Variants in PHF24 observed in about 807,000 individuals in gnomAD.
PHF24 encodes the protein PHD finger protein 24, also known as Galpha inhibitory interacting protein.
A neutral mutation model predicts 42.6 loss-of-function variants in PHF24; 25 were observed. The observed-to-expected ratio is 0.59, with a 90% CI of 0.43 to 0.82. The LOEUF (loss-of-function observed/expected upper bound fraction) is 0.82. Ranked by LOEUF, PHF24 falls within the 40% of genes least tolerant of loss-of-function variation. The pLI, the probability that PHF24 is intolerant of heterozygous loss-of-function variation, is 0.00. For missense variants in PHF24, 470 were observed against 538.1 expected (o/e 0.87, Z 1.25); for synonymous variants, 185 against 204.8 (o/e 0.90, Z 0.83).
the PHF24 span, among the ~76,000 whole-genome samples, chr9:34,699,354 G>A: frequency 6.6e-6 from 1 of 152,214 alleles, no homozygotes; most frequent in African/African-American, 2.4e-5. Context: ...AAATACAGTG[G>A]TTAAGGGAAG....
the PHF24 span, among the ~76,000 whole-genome samples, chr9:34,717,666 C>G: frequency 6.6e-6 from 1 of 152,148 alleles, no homozygotes; most frequent in Non-Finnish European, 1.5e-5. Flanking sequence ...AACGACAAAC[C>G]AGGATTTAAA....
the PHF24 span, among the ~76,000 whole-genome samples, chr9:34,729,912 A>G: frequency 6.6e-6 from 1 of 152,184 alleles, no homozygotes. Context: ...TGGCTTGGAA[A>G]TGGAGATCTT....
At chr9:34,826,292 A>G in the PHF24 span, among the ~76,000 whole-genome samples, 1 of 152,094 alleles carries the variant, frequency 6.6e-6, no homozygotes, top group Admixed American at 6.5e-5. Context: ...TATCTGTCAT[A>G]TTGCCACCTG....
chr9:34,741,369 C>CTT, the PHF24 span, among the ~76,000 whole-genome samples: 39 of 147,504 alleles, frequency 2.6e-4, no homozygotes, highest in African/African-American at 8.4e-4. Flanking sequence ...TTTTCTTTTT[C>CTT]TTTTTTTTTT....
At chr9:34,665,873 A>G in the PHF24 span, 1 of 591,178 alleles carries the variant, frequency 1.7e-6, no homozygotes, top group Non-Finnish European at 3.0e-6. Flanking sequence ...GAGGCCGGTC[A>G]TCTCCGGGGC....
intron 1 of PHF24, among the ~76,000 whole-genome samples, chr9:34,962,203 C>A (rs931342735): frequency 6.6e-5 from 10 of 152,254 alleles, no homozygotes; most frequent in Non-Finnish European, 8.8e-5. Flanking sequence ...CTATCTCAAA[C>A]CAGTTCTTTG....
chr9:34,817,816 T>A, the PHF24 span, among the ~76,000 whole-genome samples: 1 of 152,320 alleles, frequency 6.6e-6, no homozygotes, highest in Non-Finnish European at 1.5e-5. Context: ...TTTTTAAAAG[T>A]GAGAATATGC....
the PHF24 span, among the ~76,000 whole-genome samples, chr9:34,783,387 C>T: frequency 3.3e-5 from 5 of 152,190 alleles, no homozygotes; most frequent in African/African-American, 1.2e-4. Flanking sequence ...TCTACGTTAA[C>T]ATGACTTTAA....
the PHF24 span, among the ~76,000 whole-genome samples, chr9:34,753,067 C>T: frequency 0.024 from 3,650 of 152,184 alleles, 71 homozygotes; most frequent in Non-Finnish European, 0.033. Flanking sequence ...AAAACCACAG[C>T]TAGTATCATA....
At chr9:34,972,386 C>T in exon 3 of PHF24, 2 of 1,613,628 alleles carry the variant, frequency 1.2e-6, no homozygotes, top group Non-Finnish European at 1.7e-6. Flanking sequence ...GAGGTCTGGA[C>T]AGCTGAGAGC....
chr9:34,754,186 G>A, the PHF24 span, among the ~76,000 whole-genome samples: 11 of 151,964 alleles, frequency 7.2e-5, no homozygotes, highest in South Asian at 2.1e-4. Context: ...GCTTCCGCAC[G>A]CAAAGGAAAC....
chr9:34,886,736 A>ATATCTATCTATCTATC, the PHF24 span, among the ~76,000 whole-genome samples: 37 of 148,146 alleles, frequency 2.5e-4, no homozygotes, highest in African/African-American at 9.1e-4. Context: ...TCATGGTTTT[A>ATATCTATCTATCTATC]TATCTATCTA....
the PHF24 span, among the ~76,000 whole-genome samples, chr9:34,700,647 G>C: frequency 6.6e-6 from 1 of 152,312 alleles, no homozygotes; most frequent in South Asian, 2.1e-4. Context: ...TGAGTCTGGA[G>C]TTCAGGGAAG....
the PHF24 span, among the ~76,000 whole-genome samples, chr9:34,909,640 G>A: frequency 5.3e-3 from 504 of 95,036 alleles, 2 homozygotes; most frequent in South Asian, 0.026. Flanking sequence ...TTTTTTTTTT[G>A]AGACGGAGTC....
At chr9:34,768,929 T>C in the PHF24 span, among the ~76,000 whole-genome samples, 1 of 149,704 alleles carries the variant, frequency 6.7e-6, no homozygotes, top group Non-Finnish European at 1.5e-5. Context: ...AGAGAGAGAA[T>C]TCAGTCAGGT....
chr9:34,733,857 TA>T, the PHF24 span, among the ~76,000 whole-genome samples: 12 of 152,158 alleles, frequency 7.9e-5, no homozygotes, highest in African/African-American at 2.7e-4. Context: ...CCTGAAGTTA[TA>T]AAAAAGTTCC....
chr9:34,749,026 A>G, the PHF24 span, among the ~76,000 whole-genome samples: 20 of 152,152 alleles, frequency 1.3e-4, no homozygotes, highest in Non-Finnish European at 2.6e-4. Context: ...ATTAAAAAGA[A>G]TCAAGTAGAC....
intron 3 of PHF24, among the ~76,000 whole-genome samples, chr9:34,973,372 AT>A (rs751341137): frequency 4.6e-5 from 7 of 152,220 alleles, no homozygotes; most frequent in Non-Finnish European, 8.8e-5. Context: ...TGAAGTGGTT[AT>A]TATGTGAATT....
the PHF24 span, among the ~76,000 whole-genome samples, chr9:34,870,356 T>C: frequency 6.6e-6 from 1 of 152,108 alleles, no homozygotes; most frequent in African/African-American, 2.4e-5. Flanking sequence ...GAATCGACCC[T>C]TGTTAGTATC....
Sources: gnomAD v4.1 joint callset for allele counts (sites outside exome capture counted in the v4.1 genomes callset) on GRCh38, gnomAD v4.1.1 for gene constraint, MANE v1.5 for transcripts, NCBI Gene and HGNC (gene_info 2026-07-23, HGNC 2026-07-21) for gene names.